The following NELL1 variants were observed in gnomAD, a reference collection of about 807,000 sequenced individuals.
The protein encoded by NELL1 is protein kinase C-binding protein NELL1.
Under a neutral mutation model 107.4 loss-of-function variants are expected in NELL1, and 76 were observed. That is an observed-to-expected ratio of 0.71 (90% CI 0.59 to 0.86). The LOEUF (loss-of-function observed/expected upper bound fraction) is 0.86, where lower values mean the gene tolerates loss of function less well. Ranked by LOEUF, NELL1 falls within the 40% of genes least tolerant of loss-of-function variation. The probability of loss-of-function intolerance (pLI) is 0.00; values close to 1 mark genes in which losing one functional copy is unlikely to be tolerated. For synonymous variants in NELL1, 353 were observed against 341.2 expected (o/e 1.03, Z -0.38); for missense variants, 1,024 against 1,005.5 (o/e 1.02, Z -0.25).
Position 21,575,109 on chromosome 11 carries a change from T to G in NELL1, c.*87T>G, listed in dbSNP as rs569468842. 4.8e-4 allele frequency: 589 copies of G among 1,219,904 alleles called. 2 individuals are homozygous for G. Among genetic ancestry groups the G allele is most frequent in the Non-Finnish European group, 5.1e-4 (427 of 833,992 alleles). The allele number at this position is 1,219,904 out of a possible 1,614,324, so 75.6% of individuals were successfully genotyped here. A position where few individuals can be genotyped will look rare whatever the true frequency, so the allele number is the denominator to read the frequency against. On this transcript the variant is annotated 3_prime_UTR_variant, in exon 20 of 20. Coordinates refer to ENST00000357134, the MANE Select transcript of NELL1 (RefSeq NM_006157.5). Reference sequence around the variant, plus strand: ...ATAGGAATCGGTAGTTTGGTTTTTTTGTTTGTTTTGTTTTTTTAACCACAG... The same window carrying G: ...ATAGGAATCGGTAGTTTGGTTTTTTGGTTTGTTTTGTTTTTTTAACCACAG...
At chr11:21,232,485 AGAG>A (rs542718829) in intron 14 of NELL1, among the ~76,000 whole-genome samples, 3 of 152,298 alleles carry the variant, frequency 2.0e-5, no homozygotes, top group Admixed American at 2.0e-4. Flanking sequence ...AGAAGAAGAA[AGAG>A]GAGGAGGAGG....
At chr11:20,936,033 A>T (rs1850717676) in intron 9 of NELL1, among the ~76,000 whole-genome samples, 1 of 152,148 alleles carries the variant, frequency 6.6e-6, no homozygotes, top group Non-Finnish European at 1.5e-5. Context: ...ATAGAGATTT[A>T]CATGTACTTT....
chr11:21,225,363 T>C (rs1857867730), intron 13 of NELL1, among the ~76,000 whole-genome samples: 1 of 152,224 alleles, frequency 6.6e-6, no homozygotes, highest in Admixed American at 6.5e-5. Flanking sequence ...GAGGCTCTTC[T>C]GTACCTAGAA....
intron 7 of NELL1, 83 bp downstream of exon 7, chr11:20,919,417 C>T (rs907390847): frequency 3.5e-5 from 29 of 827,868 alleles, no homozygotes; most frequent in Non-Finnish European, 5.4e-5. Context: ...ATAATGGAAA[C>T]ATTTTTAGCC....
chr11:20,951,052 C>T (rs1851059477), intron 11 of NELL1, among the ~76,000 whole-genome samples: 2 of 152,164 alleles, frequency 1.3e-5, no homozygotes, highest in Non-Finnish European at 2.9e-5. Context: ...TTGAAGTTTT[C>T]CAAGGTTTAT....
intron 13 of NELL1, among the ~76,000 whole-genome samples, chr11:21,157,706 T>G (rs1346842915): frequency 1.3e-5 from 2 of 152,192 alleles, no homozygotes; most frequent in African/African-American, 4.8e-5. Context: ...GAACATAAAC[T>G]CTGGAGTCAG....
intron 2 of NELL1, among the ~76,000 whole-genome samples, chr11:20,720,458 C>T (rs926106936): frequency 2.6e-5 from 4 of 152,158 alleles, no homozygotes; most frequent in Non-Finnish European, 4.4e-5. Flanking sequence ...CTGCCTGCCT[C>T]AGCCTCCCAA....
At chr11:20,943,737 G>C (rs1850906101) in intron 10 of NELL1, among the ~76,000 whole-genome samples, 1 of 152,300 alleles carries the variant, frequency 6.6e-6, no homozygotes, top group Middle Eastern at 3.4e-3. Context: ...GAACCTGTGT[G>C]GTTTGGCCCC....
chr11:21,445,849 T>C (rs1307425160), intron 15 of NELL1, among the ~76,000 whole-genome samples: 2 of 152,196 alleles, frequency 1.3e-5, no homozygotes, highest in African/African-American at 2.4e-5. Context: ...CTTGTTGTTT[T>C]CTTCAGCACT....
intron 14 of NELL1, among the ~76,000 whole-genome samples, chr11:21,258,276 G>A (rs992512696): frequency 6.6e-6 from 1 of 151,980 alleles, no homozygotes. Flanking sequence ...AACATCCTAT[G>A]GATGGTGTTT....
intron 13 of NELL1, among the ~76,000 whole-genome samples, chr11:21,201,387 T>C (rs191167694): frequency 6.6e-6 from 1 of 152,172 alleles, no homozygotes; most frequent in Non-Finnish European, 1.5e-5. Flanking sequence ...ATTCTCTTTC[T>C]AGCAATTGTG....
chr11:21,379,888 T>C (rs916065246), intron 15 of NELL1, among the ~76,000 whole-genome samples: 10 of 152,086 alleles, frequency 6.6e-5, no homozygotes, highest in African/African-American at 2.2e-4. Flanking sequence ...CCTATCAGCA[T>C]CCATCTATTG....
chr11:21,036,125 C>T (rs913171494), intron 12 of NELL1, among the ~76,000 whole-genome samples: 35 of 152,102 alleles, frequency 2.3e-4, no homozygotes, highest in African/African-American at 7.2e-4. Flanking sequence ...GGAATGCAGT[C>T]TTATTCACAA....
intron 13 of NELL1, among the ~76,000 whole-genome samples, chr11:21,133,412 C>G (rs1264709857): frequency 6.6e-6 from 1 of 152,128 alleles, no homozygotes; most frequent in African/African-American, 2.4e-5. Flanking sequence ...AGGGACCCAC[C>G]ACTTCCCACC....
chr11:20,703,515 C>T (rs1240680057), intron 2 of NELL1, among the ~76,000 whole-genome samples: 1 of 152,106 alleles, frequency 6.6e-6, no homozygotes, highest in Non-Finnish European at 1.5e-5. Context: ...CAGTTTTGCT[C>T]TGATCTTAGT....
intron 12 of NELL1, among the ~76,000 whole-genome samples, chr11:20,991,771 C>T (rs548483285): frequency 3.3e-5 from 5 of 152,268 alleles, no homozygotes; most frequent in African/African-American, 1.2e-4. Flanking sequence ...CTCGCTAGTC[C>T]ACACTGACTT....
At chr11:21,127,647 G>T (rs930246096) in intron 13 of NELL1, among the ~76,000 whole-genome samples, 1 of 151,926 alleles carries the variant, frequency 6.6e-6, no homozygotes, top group Admixed American at 6.6e-5. Context: ...AGGAGGGGGA[G>T]GACAGGGAGG....
At chr11:20,913,362 ATTTG>A in intron 5 of NELL1, among the ~76,000 whole-genome samples, 1 of 152,218 alleles carries the variant, frequency 6.6e-6, no homozygotes, top group Middle Eastern at 3.4e-3. Context: ...AAGAATTAGC[ATTTG>A]TTTGGTGGTG....
chr11:20,699,031 A>C (rs966112682), intron 2 of NELL1, among the ~76,000 whole-genome samples: 3 of 152,078 alleles, frequency 2.0e-5, no homozygotes, highest in African/African-American at 7.2e-5. Flanking sequence ...AGCCTGGCCA[A>C]CATGGTGAAA....
Sources: gnomAD v4.1 joint callset for allele counts (sites outside exome capture counted in the v4.1 genomes callset) on GRCh38, gnomAD v4.1.1 for gene constraint, MANE v1.5 for transcripts, NCBI Gene and HGNC (gene_info 2026-07-23, HGNC 2026-07-21) for gene names.